MECOM: variants seen among roughly 807,000 people sequenced by gnomAD.
MECOM encodes the protein histone-lysine N-methyltransferase MECOM.
MECOM carries 13 observed loss-of-function variants against 116.3 expected under a neutral mutation model. The observed-to-expected ratio is 0.11, with a 90% CI of 0.07 to 0.18. The LOEUF is 0.18. Ranked by LOEUF, MECOM falls within the 10% of genes least tolerant of loss-of-function variation. The pLI, the probability that MECOM is intolerant of heterozygous loss-of-function variation, is 1.00. For missense variants in MECOM, 1,299 were observed against 1,509.0 expected, an observed-to-expected ratio of 0.86 and a Z score of 2.31; for synonymous variants, 528 against 535.2, an observed-to-expected ratio of 0.99 and a Z score of 0.19.
At chr3:169,434,965 T>C (rs996962284) in intron 1 of MECOM, among the ~76,000 whole-genome samples, 6 of 152,176 alleles carry the variant, frequency 3.9e-5, no homozygotes, top group African/African-American at 9.7e-5. Flanking sequence ...AAGAGGAATG[T>C]ATTCATTAGG....
At chr3:169,119,144 G>A (rs912450529) in intron 7 of MECOM, among the ~76,000 whole-genome samples, 10 of 152,156 alleles carry the variant, frequency 6.6e-5, no homozygotes, top group Non-Finnish European at 1.0e-4. Context: ...GTGACTTTGG[G>A]CTCAAGCGTG....
chr3:169,417,156 C>T (rs1350949414), intron 1 of MECOM, among the ~76,000 whole-genome samples: 2 of 151,352 alleles, frequency 1.3e-5, no homozygotes, highest in East Asian at 3.9e-4. Flanking sequence ...AAACTACCAT[C>T]AGAGTGAACA....
At chr3:169,102,625 A>G (rs1229658446) in intron 10 of MECOM, among the ~76,000 whole-genome samples, 2 of 152,202 alleles carry the variant, frequency 1.3e-5, no homozygotes, top group Non-Finnish European at 2.9e-5. Context: ...TGCCTTACCT[A>G]GGCAATGAAA....
chr3:169,520,471 C>T (rs532211857), intron 1 of MECOM, among the ~76,000 whole-genome samples: 1 of 152,148 alleles, frequency 6.6e-6, no homozygotes, highest in East Asian at 1.9e-4. Context: ...CTCCAATGTC[C>T]TCACAAAAAG....
rs574377354 is a variant in MECOM at position 169,270,708 on chromosome 3, A to G, written c.375+110479T>C. On this transcript the variant is annotated intron_variant, in intron 2 of 16. Coordinates refer to ENST00000651503, the MANE Select transcript of MECOM (RefSeq NM_004991.4). ...TGTTGTCATGGTGGTGTTAAATTTA[A>G]TCGTATAAATTTAAACCATGCAAGT... Among the ~76,000 whole-genome samples, 28 of 152,284 alleles carry G rather than the reference A, an allele frequency of 1.8e-4. No homozygotes were observed. In the East Asian group the frequency reaches 5.4e-3, roughly 29 times the overall value.
intron 2 of MECOM, among the ~76,000 whole-genome samples, chr3:169,184,909 G>A (rs1746498855): frequency 6.6e-6 from 1 of 152,166 alleles, no homozygotes; most frequent in Admixed American, 6.5e-5. Context: ...TATTTCTGGA[G>A]TGCAGACCAT....
chr3:169,210,735 C>G (rs1750615523), intron 2 of MECOM, among the ~76,000 whole-genome samples: 1 of 152,262 alleles, frequency 6.6e-6, no homozygotes, highest in African/African-American at 2.4e-5. Flanking sequence ...GTTCCACCTC[C>G]CCAGAGAGCT....
intron 2 of MECOM, among the ~76,000 whole-genome samples, chr3:169,233,424 G>A (rs922319169): frequency 1.3e-5 from 2 of 152,096 alleles, no homozygotes; most frequent in African/African-American, 4.8e-5. Context: ...ACATGTTAAA[G>A]GGTAAAGCAC....
At chr3:169,477,275 C>G (rs750012297) in intron 1 of MECOM, among the ~76,000 whole-genome samples, 12 of 151,504 alleles carry the variant, frequency 7.9e-5, no homozygotes, top group Non-Finnish European at 1.6e-4. Context: ...CAAATGGTAA[C>G]TGGCTCCCAC....
intron 1 of MECOM, among the ~76,000 whole-genome samples, chr3:169,397,265 C>G (rs1477586400): frequency 2.0e-5 from 3 of 152,184 alleles, no homozygotes; most frequent in Non-Finnish European, 4.4e-5. Flanking sequence ...AATTCCGCAA[C>G]ACTCCCCTGC....
At chr3:169,641,404 C>T (rs1773474019) in intron 1 of MECOM, among the ~76,000 whole-genome samples, 1 of 152,166 alleles carries the variant, frequency 6.6e-6, no homozygotes, top group South Asian at 2.1e-4. Flanking sequence ...CAACTCCTTA[C>T]TGATAAGCCT....
intron 2 of MECOM, among the ~76,000 whole-genome samples, chr3:169,380,498 A>G (rs1297329871): frequency 6.6e-6 from 1 of 152,174 alleles, no homozygotes; most frequent in East Asian, 1.9e-4. Flanking sequence ...TCAGACTATA[A>G]CTTCTAATTC....
chr3:169,398,672 G>T (rs540235501), intron 1 of MECOM, among the ~76,000 whole-genome samples: 10 of 152,214 alleles, frequency 6.6e-5, no homozygotes, highest in Admixed American at 5.9e-4. Flanking sequence ...TCCATTCTCT[G>T]CTCCTGGTGA....
At chr3:169,158,321 A>T (rs187348137) in intron 2 of MECOM, among the ~76,000 whole-genome samples, 1 of 152,298 alleles carries the variant, frequency 6.6e-6, no homozygotes. Context: ...GCTGAATTTT[A>T]ATCTTGGAAA....
chr3:169,285,091 A>T (rs1011086886), intron 2 of MECOM, among the ~76,000 whole-genome samples: 21 of 151,968 alleles, frequency 1.4e-4, no homozygotes, highest in Non-Finnish European at 2.1e-4. Context: ...AGCCTTAAAA[A>T]TTTTTTTTAA....
In MECOM at chr3:169,116,048, A is replaced by G; in HGVS notation, c.1824T>C (p.Asp608=). 3 of 1,614,104 alleles carry G rather than the reference A, an allele frequency of 1.9e-6. No homozygotes were observed. The highest frequency in any genetic ancestry group is 2.5e-6 in the Non-Finnish European group (3 of 1,180,022). The part of the protein sequence containing the change: ...GSDLESDIES[D]KEKFKENGKM... ...TACCATTTTCTTTAAATTTCTCTTT[A>G]TCACTTTCAATGTCACTTTCCAGAT... Residue 608 remains aspartate (D), a synonymous_variant, in exon 8 of 17, where the codon GAT becomes GAC. Transcript: ENST00000651503.
intron 1 of MECOM, among the ~76,000 whole-genome samples, chr3:169,517,655 A>G (rs925566953): frequency 3.9e-5 from 6 of 152,198 alleles, no homozygotes; most frequent in Non-Finnish European, 1.5e-5. Flanking sequence ...GCTATTTTCT[A>G]AACATTACAG....
chr3:169,399,583 G>A (rs1413838388), intron 1 of MECOM, among the ~76,000 whole-genome samples: 1 of 152,178 alleles, frequency 6.6e-6, no homozygotes, highest in African/African-American at 2.4e-5. Context: ...GAATTTTGTA[G>A]TTGAAAAAGA....
chr3:169,166,877 C>A (rs957845498), intron 2 of MECOM, among the ~76,000 whole-genome samples: 5 of 152,150 alleles, frequency 3.3e-5, no homozygotes, highest in Non-Finnish European at 1.5e-5. Flanking sequence ...TAAGCCACTG[C>A]ACTTGGCCCT....
Sources: allele counts gnomAD v4.1 joint callset (sites outside exome capture counted in the v4.1 genomes callset), GRCh38; gene constraint gnomAD v4.1.1; transcripts MANE v1.5; gene names NCBI Gene and HGNC (gene_info 2026-07-23, HGNC 2026-07-21).